RPTOR: variants seen among roughly 807,000 people sequenced by gnomAD.
RPTOR encodes regulatory-associated protein of mTOR.
A neutral mutation model predicts 169.9 loss-of-function variants in RPTOR; 21 were observed. That is an observed-to-expected ratio of 0.12 (90% CI 0.09 to 0.18). The LOEUF (loss-of-function observed/expected upper bound fraction) is 0.18. Among genes scored for constraint, RPTOR ranks in the 10% least tolerant of loss-of-function variants. The pLI is 1.00. For missense variants in RPTOR, 1,133 were observed against 1,855.9 expected (o/e 0.61, Z 7.16); for synonymous variants, 732 against 753.2 (o/e 0.97, Z 0.46).
At chr17:80,552,831 C>T (rs911964073) in intron 1 of RPTOR, among the ~76,000 whole-genome samples, 1 of 152,152 alleles carries the variant, frequency 6.6e-6, no homozygotes, top group Non-Finnish European at 1.5e-5. Flanking sequence ...CAAAACAAAA[C>T]AAAACTGTAT....
chr17:80,632,102 A>C (rs1017251899), intron 2 of RPTOR, among the ~76,000 whole-genome samples: 6 of 152,160 alleles, frequency 3.9e-5, no homozygotes, highest in African/African-American at 1.4e-4. Flanking sequence ...ATGATGGAGC[A>C]GCTGTGTTTT....
rs1445922238 is a variant in RPTOR, at chr17:80,725,836, A to G, written c.508-4724A>G. Among the ~76,000 whole-genome samples, 4 of 152,316 alleles carry G rather than the reference A, an allele frequency of 2.6e-5. No homozygotes were observed. The East Asian group carries it at 7.7e-4, about 29-fold the overall frequency. On this transcript the variant is annotated intron_variant, in intron 4 of 33. Coordinates refer to ENST00000306801, the MANE Select transcript of RPTOR (RefSeq NM_020761.3). Reference sequence around the variant, plus strand: ...ATTCCCTGAGGGATACAGACTTCCAAATTGTTGCAGTCTCACTAACTGTAA... The same window carrying G: ...ATTCCCTGAGGGATACAGACTTCCAGATTGTTGCAGTCTCACTAACTGTAA...
At chr17:80,895,875 G>A (rs1054460944) in intron 20 of RPTOR, among the ~76,000 whole-genome samples, 4 of 152,164 alleles carry the variant, frequency 2.6e-5, no homozygotes, top group African/African-American at 2.4e-5. Flanking sequence ...TTACAGACTC[G>A]CCTTGTGTCG....
At chr17:80,951,676 A>G (rs552157207) in intron 28 of RPTOR, among the ~76,000 whole-genome samples, 29 of 152,330 alleles carry the variant, frequency 1.9e-4, no homozygotes, top group African/African-American at 7.0e-4. Flanking sequence ...TTCACTCGGC[A>G]TCACAGAATC....
chr17:80,950,944 C>G (rs1287829261), intron 28 of RPTOR, among the ~76,000 whole-genome samples: 2 of 152,214 alleles, frequency 1.3e-5, no homozygotes, highest in African/African-American at 2.4e-5. Context: ...CTCTGCCTTG[C>G]CCTTTCTCTT....
intron 9 of RPTOR, among the ~76,000 whole-genome samples, chr17:80,824,183 G>A (rs929904626): frequency 3.6e-4 from 55 of 152,088 alleles, no homozygotes; most frequent in African/African-American, 1.3e-3. Flanking sequence ...ATTTATATGC[G>A]ATAGATCAAA....
chr17:80,955,832 G>A (rs776024262), intron 28 of RPTOR, among the ~76,000 whole-genome samples: 10 of 152,160 alleles, frequency 6.6e-5, no homozygotes, highest in Non-Finnish European at 1.0e-4. Context: ...TGGCAGTTCC[G>A]TTCTAGGCGC....
chr17:80,824,606 GA>G (rs914463236), intron 9 of RPTOR, among the ~76,000 whole-genome samples: 4 of 150,560 alleles, frequency 2.7e-5, no homozygotes, highest in Admixed American at 1.3e-4. Context: ...GAAGGAAAAA[GA>G]AAAAAAAAGC....
chr17:80,689,955 G>A (rs1040463427), intron 3 of RPTOR, among the ~76,000 whole-genome samples: 1 of 152,148 alleles, frequency 6.6e-6, no homozygotes, highest in South Asian at 2.1e-4. Context: ...CTTCATGCAA[G>A]CAGATTCTAA....
chr17:80,652,638 C>T (rs2065649970), intron 3 of RPTOR, among the ~76,000 whole-genome samples: 1 of 152,190 alleles, frequency 6.6e-6, no homozygotes, highest in Non-Finnish European at 1.5e-5. Flanking sequence ...GTCTACATTT[C>T]TATTTTATGG....
rs111307499 is a variant in RPTOR, at chr17:80,564,758, C to T, written c.162+18967C>T. 6.5e-3 allele frequency among the ~76,000 whole-genome samples: 991 copies of T among 152,068 alleles called. 15 individuals carry two copies. Among genetic ancestry groups the T allele is most frequent in the African/African-American group, 0.023 (935 of 41,458 alleles). On this transcript the variant is annotated intron_variant, in intron 1 of 33. Coordinates refer to ENST00000306801, the MANE Select transcript of RPTOR (RefSeq NM_020761.3). ...CCTCTCCCTCCTCCCACCGTCTACCCTCAAGTAGGCCCCAGTGTGTGTTGT... is the reference window on the plus strand; with the variant it reads ...CCTCTCCCTCCTCCCACCGTCTACCTTCAAGTAGGCCCCAGTGTGTGTTGT...
At chr17:80,911,233 C>T (rs2068609603) in intron 21 of RPTOR, among the ~76,000 whole-genome samples, 1 of 152,168 alleles carries the variant, frequency 6.6e-6, no homozygotes, top group African/African-American at 2.4e-5. Context: ...CTGCAGCGGA[C>T]TCTGCCACTT....
intron 3 of RPTOR, among the ~76,000 whole-genome samples, chr17:80,652,647 G>A (rs1271964021): frequency 6.6e-6 from 1 of 152,144 alleles, no homozygotes; most frequent in Non-Finnish European, 1.5e-5. Context: ...TCTATTTTAT[G>A]GGTTCATCTG....
chr17:80,562,558 C>T lies in RPTOR; in HGVS notation c.162+16767C>T, dbSNP rs1048952265. 6.6e-6 allele frequency among the ~76,000 whole-genome samples: 1 copy of T among 152,218 alleles called. No homozygotes were observed. The highest frequency in any genetic ancestry group is 1.5e-5 in the Non-Finnish European group (1 of 68,006). On this transcript the variant is annotated intron_variant, in intron 1 of 33. Transcript: ENST00000306801. This position sits in a 1 kb window ranked among gnomAD's most constrained non-coding sequence, Gnocchi z 4.4. ...CAGCACTTTGGGAGGCTGAGGCGGA[C>T]GGATCACTTGAAGTCAGGAGTTCGA...
intron 17 of RPTOR, among the ~76,000 whole-genome samples, chr17:80,886,108 C>T (rs938617320): frequency 6.6e-6 from 1 of 152,222 alleles, no homozygotes; most frequent in Non-Finnish European, 1.5e-5. Context: ...CTCGTGCGTT[C>T]CCGTGCTGGC....
intron 1 of RPTOR, among the ~76,000 whole-genome samples, chr17:80,548,872 G>A (rs975663393): frequency 1.3e-5 from 2 of 152,170 alleles, no homozygotes; most frequent in Admixed American, 6.5e-5. Flanking sequence ...TGTCCTAAAT[G>A]CAAGCTGAGA....
At chr17:80,948,099 G>A (rs1054968197) in intron 27 of RPTOR, among the ~76,000 whole-genome samples, 15 of 152,236 alleles carry the variant, frequency 9.9e-5, no homozygotes, top group South Asian at 2.1e-4. Flanking sequence ...ACTAGAGAGC[G>A]CTGGGCGGGA....
chr17:80,656,497 G>C (rs2065680869), intron 3 of RPTOR, among the ~76,000 whole-genome samples: 1 of 152,234 alleles, frequency 6.6e-6, no homozygotes, highest in Non-Finnish European at 1.5e-5. Context: ...ACTTGGGGCA[G>C]ATGCAGAATG....
chr17:80,922,747 G>T lies in RPTOR; in HGVS notation c.2544G>T (p.Gln848His). ...AYKATVNARP[Q>H]RVLDTSSLTQ... ...AGGCCACCGTGAACGCCCGGCCGCA[G>T]CGCGTCCTGGACACCTCCTCCCTCA... Residue 848 changes from glutamine (Q) to histidine (H), a missense_variant, in exon 22 of 34, where the codon CAG becomes CAT. Transcript: ENST00000306801. The T allele has an allele frequency of 6.3e-7, 1 of 1,588,652 alleles. No individual in the cohort carries two copies.
Sources: allele counts gnomAD v4.1 joint callset (sites outside exome capture counted in the v4.1 genomes callset), GRCh38; gene constraint gnomAD v4.1.1; non-coding constraint Gnocchi (gnomAD v3.1); transcripts MANE v1.5; gene names NCBI Gene and HGNC (gene_info 2026-07-23, HGNC 2026-07-21).